CNTN5: variants seen among roughly 807,000 people sequenced by gnomAD.
CNTN5 encodes contactin 5, also known as contactin-5.
CNTN5 carries 77 observed loss-of-function variants against 129.1 expected under a neutral mutation model. That is an observed-to-expected ratio of 0.60 (90% CI 0.50 to 0.72). The LOEUF is 0.72. CNTN5 is among the 30% of genes least tolerant of loss of function. CNTN5 has a pLI of 0.00. For missense variants in CNTN5, 1,478 were observed against 1,328.8 expected, an observed-to-expected ratio of 1.11 and a Z score of -1.75; for synonymous variants, 509 against 465.6, an observed-to-expected ratio of 1.09 and a Z score of -1.20.
chr11:100,291,766 TAAATAAATAAATAAATAAATAAAA>T (rs1187332593), intron 18 of CNTN5, among the ~76,000 whole-genome samples: 8 of 109,112 alleles, frequency 7.3e-5, no homozygotes, highest in Non-Finnish European at 1.5e-4. Context: ...AATAAATAAA[TAAATAAATAAATAAATAAATAAAA>T]AATATAAATA....
intron 3 of CNTN5, among the ~76,000 whole-genome samples, chr11:99,806,078 C>T (rs184365022): frequency 1.2e-4 from 18 of 152,284 alleles, no homozygotes; most frequent in Admixed American, 7.8e-4. Flanking sequence ...TAGCCTTGAA[C>T]GTCTCTTCTC....
rs187011256 is a variant in CNTN5, at chr11:100,040,779, T to C, written c.981-20433T>C. Among the ~76,000 whole-genome samples the C allele has an allele frequency of 1.4e-3, 206 of 150,824 alleles. 2 individuals carry two copies. The highest frequency in any genetic ancestry group is 4.9e-3 in the African/African-American group (199 of 41,010). ...TGGGCGTAGGACCCTCCTAGCCAAGTGCGGGATATAATCTCCTGGTGTGCC... is the reference window on the plus strand; with the variant it reads ...TGGGCGTAGGACCCTCCTAGCCAAGCGCGGGATATAATCTCCTGGTGTGCC... On this transcript the variant is annotated intron_variant, in intron 9 of 24. Coordinates refer to ENST00000524871, the MANE Select transcript of CNTN5 (RefSeq NM_014361.4).
At chr11:100,084,494 C>A (rs965845640) in intron 13 of CNTN5, among the ~76,000 whole-genome samples, 1 of 151,964 alleles carries the variant, frequency 6.6e-6, no homozygotes, top group Non-Finnish European at 1.5e-5. Context: ...TGTAATTTAA[C>A]TTTGGTTAAT....
intron 16 of CNTN5, among the ~76,000 whole-genome samples, chr11:100,244,550 G>T (rs1022731484): frequency 6.6e-5 from 10 of 151,998 alleles, no homozygotes; most frequent in Non-Finnish European, 1.3e-4. Flanking sequence ...ATCCTTTTAG[G>T]CCTTTTTTAA....
intron 1 of CNTN5, among the ~76,000 whole-genome samples, chr11:99,291,803 T>C (rs572964388): frequency 2.6e-5 from 4 of 152,168 alleles, no homozygotes; most frequent in Admixed American, 6.6e-5. Context: ...GGATTCACAC[T>C]GAGTCTAACA....
chr11:99,299,691 C>G (rs1210195139), intron 1 of CNTN5, among the ~76,000 whole-genome samples: 2 of 152,022 alleles, frequency 1.3e-5, no homozygotes, highest in Non-Finnish European at 2.9e-5. Flanking sequence ...AGTGATGGTC[C>G]CCAACTCAAT....
chr11:99,126,504 A>T (rs187206754), intron 1 of CNTN5, among the ~76,000 whole-genome samples: 1 of 152,294 alleles, frequency 6.6e-6, no homozygotes, highest in East Asian at 1.9e-4. Context: ...GGTATGTACA[A>T]GGTGTAATGT....
chr11:100,159,993 T>C (rs1326828059), intron 13 of CNTN5, among the ~76,000 whole-genome samples: 1 of 151,868 alleles, frequency 6.6e-6, no homozygotes, highest in East Asian at 1.9e-4. Flanking sequence ...GTTTGTTACA[T>C]AGGTATACAC....
At chr11:99,258,306 C>T (rs961000635) in intron 1 of CNTN5, among the ~76,000 whole-genome samples, 3 of 152,008 alleles carry the variant, frequency 2.0e-5, no homozygotes, top group African/African-American at 7.2e-5. Context: ...CTCCTCCCAC[C>T]TTCAAGTGGG....
intron 8 of CNTN5, among the ~76,000 whole-genome samples, chr11:99,974,499 C>A (rs1471592165): frequency 6.6e-6 from 1 of 152,118 alleles, no homozygotes; most frequent in African/African-American, 2.4e-5. Flanking sequence ...TAGAGATGAT[C>A]CTTACAGAAG....
intron 2 of CNTN5, among the ~76,000 whole-genome samples, chr11:99,334,282 A>G (rs282485): frequency 0.31 from 47,706 of 151,978 alleles, 8,488 homozygotes; most frequent in African/African-American, 0.49. Flanking sequence ...GGACTATTCA[A>G]TGAATTGAGA....
At chr11:99,628,618 AC>A (rs1353563684) in intron 3 of CNTN5, among the ~76,000 whole-genome samples, 12 of 146,286 alleles carry the variant, frequency 8.2e-5, no homozygotes, top group Non-Finnish European at 1.8e-4. Flanking sequence ...AATGACACAC[AC>A]ACACACACAC....
rs532774033 is a variant in CNTN5 at position 99,228,206 on chromosome 11, A to G, written c.-209-97140A>G. ...GAACTTTTGAGATATTATTTTATAT[A>G]GATGTATTAATATAAGTTCCTAATG... On this transcript the variant is annotated intron_variant, in intron 1 of 24. Coordinates refer to ENST00000524871, the MANE Select transcript of CNTN5 (RefSeq NM_014361.4). 2.2e-4 allele frequency among the ~76,000 whole-genome samples: 33 copies of G among 152,246 alleles called. 2 individuals carry two copies. Among genetic ancestry groups the G allele is most frequent in the African/African-American group, 7.5e-4 (31 of 41,578 alleles).
At chr11:99,037,622 C>A (rs566618670) in intron 1 of CNTN5, among the ~76,000 whole-genome samples, 4 of 140,756 alleles carry the variant, frequency 2.8e-5, no homozygotes, top group African/African-American at 5.4e-5. Context: ...GCTCTCTTAC[C>A]CAGGGTGGAT....
intron 21 of CNTN5, among the ~76,000 whole-genome samples, chr11:100,329,778 G>C (rs1439782291): frequency 6.6e-6 from 1 of 152,174 alleles, no homozygotes; most frequent in Admixed American, 6.5e-5. Context: ...GAAAGGGAGA[G>C]AACACCACAT....
chr11:99,926,036 A>C (rs1950054506), intron 7 of CNTN5, among the ~76,000 whole-genome samples: 1 of 152,158 alleles, frequency 6.6e-6, no homozygotes, highest in South Asian at 2.1e-4. Flanking sequence ...AAGGAATAAT[A>C]AAAGCTACCT....
Position 99,088,151 on chromosome 11 carries a change from C to T in CNTN5, c.-210+66881C>T, listed in dbSNP as rs528833790. On this transcript the variant is annotated intron_variant, in intron 1 of 24. Transcript: ENST00000524871. ...TTCTAGCAACCTTCCACAAGAAAACCCTCACACACATATACTTCACATGGA... is the reference window on the plus strand; with the variant it reads ...TTCTAGCAACCTTCCACAAGAAAACTCTCACACACATATACTTCACATGGA... Among the ~76,000 whole-genome samples the T allele has an allele frequency of 2.0e-5, 3 of 152,200 alleles. No homozygotes were observed. In the South Asian group the frequency reaches 6.2e-4, roughly 32 times the overall value.
At chr11:99,583,251 A>C (rs2726359) in intron 3 of CNTN5, among the ~76,000 whole-genome samples, 100,309 of 152,192 alleles carry the variant, frequency 0.66, 37,269 homozygotes, top group Non-Finnish European at 0.81. Flanking sequence ...GGTGCCTCCC[A>C]GTTAGGCTAC....
chr11:100,071,674 T>C (rs1345614790), intron 11 of CNTN5, 31 bp from the exon 12 acceptor site: 1 of 1,506,338 alleles, frequency 6.6e-7, no homozygotes, highest in South Asian at 1.3e-5. Context: ...TTGTTTACTT[T>C]CTAGATCTAA....
Sources: allele counts gnomAD v4.1 joint callset (sites outside exome capture counted in the v4.1 genomes callset), GRCh38; gene constraint gnomAD v4.1.1; transcripts MANE v1.5; gene names NCBI Gene and HGNC (gene_info 2026-07-23, HGNC 2026-07-21).